The following KCNN1 variants were observed in gnomAD, a reference collection of about 807,000 sequenced individuals.
The protein encoded by KCNN1 is small conductance calcium-activated potassium channel protein 1.
A neutral mutation model predicts 44.7 loss-of-function variants in KCNN1; 20 were observed. The observed-to-expected ratio is 0.45, with a 90% CI of 0.32 to 0.65. The LOEUF is 0.65. Ranked by LOEUF, KCNN1 falls within the 30% of genes least tolerant of loss-of-function variation. KCNN1 has a pLI of 0.05. For missense variants in KCNN1, 632 were observed against 785.3 expected, an observed-to-expected ratio of 0.80 and a Z score of 2.33; for synonymous variants, 324 against 341.7, an observed-to-expected ratio of 0.95 and a Z score of 0.57.
chr19:17,967,087 C>G, upstream of KCNN1: 7 of 980,132 alleles, frequency 7.1e-6, no homozygotes, highest in Non-Finnish European at 8.5e-6. Context: ...CGCACCGCCC[C>G]CTTCTCTCCC....
At position 17,975,125 on chromosome 19, in the gene KCNN1, A is replaced by T; in HGVS notation, c.436A>T (p.Ile146Phe). Residue 146 changes from isoleucine to phenylalanine, a missense_variant, in exon 3 of 10, where the codon ATC (isoleucine) becomes TTC (phenylalanine). Ile to Phe is a conservative substitution (Grantham distance 21). Around this residue, in one of 3 missense-constraint regions of KCNN1, gnomAD observed 235 missense variants for 224.0 expected, o/e 1.05. Transcript: ENST00000684775. ...SLYSFALKCL[I>F]SLSTAILLGL... is the part of the protein sequence containing the mutation. ...GTACTCATTCGCACTCAAATGCCTC[A>T]TCAGCCTCTCCACGGCCATCCTGCT... is the stretch of plus-strand genomic sequence containing the variant. 6.2e-7 allele frequency: 1 copy of T among 1,613,652 alleles called. No individual in the cohort carries two copies. The highest frequency in any genetic ancestry group is 8.5e-7 in the Non-Finnish European group (1 of 1,179,776).
Position 17,983,812 on chromosome 19 carries a change from T to C in KCNN1, c.918-1500T>C, listed in dbSNP as rs1289157778. Among the ~76,000 whole-genome samples, 3 of 150,736 alleles carry C rather than the reference T, an allele frequency of 2.0e-5. No individual in the cohort carries two copies. The highest frequency in any genetic ancestry group is 7.3e-5 in the African/African-American group (3 of 41,046). On this transcript the variant is annotated intron_variant, in intron 4 of 9. Coordinates refer to ENST00000684775, the MANE Select transcript of KCNN1 (RefSeq NM_001386974.1). The surrounding 1 kb of genome is among the most constrained non-coding windows in gnomAD (Gnocchi z 4.5). Reference sequence around the variant, plus strand: ...CGACTAGAGGGCACCCCCCCGCCCCTCCTGCCCTCTGGGGGTCAGGCAGCT... The same window carrying C: ...CGACTAGAGGGCACCCCCCCGCCCCCCCTGCCCTCTGGGGGTCAGGCAGCT...
chr19:17,995,742 C>T (rs745330523), intron 9 of KCNN1, among the ~76,000 whole-genome samples: 5 of 151,192 alleles, frequency 3.3e-5, no homozygotes, highest in African/African-American at 7.3e-5. Flanking sequence ...TATGCCGCCA[C>T]GCCTAGCTAC....
In KCNN1 at chr19:17,993,119, A is replaced by G. The variant is rs1278511421; in HGVS notation, c.1307+57A>G. On this transcript the variant is annotated intron_variant, in intron 8 of 9. Coordinates refer to ENST00000684775, the MANE Select transcript of KCNN1 (RefSeq NM_001386974.1). The surrounding 1 kb of genome is among the most constrained non-coding windows in gnomAD (Gnocchi z 4.5). ...GGGAAATCGGGGGTGCATGGTGGTC[A>G]CAGACAGGGGGTACACCCGGGGCAT... 2.6e-5 allele frequency: 42 copies of G among 1,607,264 alleles called. No homozygotes were observed. The highest frequency in any genetic ancestry group is 3.1e-5 in the Non-Finnish European group (37 of 1,174,730).
chr19:17,997,735 C>T (rs1252368158), intron 9 of KCNN1, among the ~76,000 whole-genome samples: 4 of 152,110 alleles, frequency 2.6e-5, no homozygotes, highest in South Asian at 2.1e-4. Flanking sequence ...CTGCCTCGGC[C>T]TCCCAAAGTG....
intron 3 of KCNN1, among the ~76,000 whole-genome samples, chr19:17,978,791 AC>A (rs540064608): frequency 4.4e-4 from 66 of 150,310 alleles, no homozygotes; most frequent in Middle Eastern, 3.4e-3. Context: ...ACAGTGACTC[AC>A]GCCTGTAATC....
Position 17,974,042 on chromosome 19 carries a change from G to T in KCNN1, c.154G>T (p.Ala52Ser). ...GGTGGTAGTGGCCAAGAGTGAGCCAGCCCGGCCCTCACCCGGCAGCCCCCG... is the reference window on the plus strand; with the variant it reads ...GGTGGTAGTGGCCAAGAGTGAGCCATCCCGGCCCTCACCCGGCAGCCCCCG... ...LQVVVAKSEP[A>S]RPSPGSPRGQ... The change falls in exon 2 of 10, where the codon GCC (alanine) becomes TCC (serine). Residue 52 changes from alanine to serine, a missense_variant. Ala to Ser is a moderately conservative substitution (Grantham distance 99). Around this residue, in one of 3 missense-constraint regions of KCNN1, gnomAD observed 235 missense variants for 224.0 expected, o/e 1.05. Transcript: ENST00000684775. The surrounding 1 kb of genome is among the most constrained non-coding windows in gnomAD (Gnocchi z 7.3). 1 of 1,609,284 alleles carries T rather than the reference G, an allele frequency of 6.2e-7. No individual in the cohort carries two copies.
chr19:17,992,930 A>C, intron 7 of KCNN1, 124 bp from the exon 8 acceptor site: 1 of 1,251,816 alleles, frequency 8.0e-7, no homozygotes, highest in Non-Finnish European at 1.1e-6. Flanking sequence ...GCCATCTGGG[A>C]ACCCCGCGCG....
At chr19:17,985,504 C>G (rs961627018) in intron 5 of KCNN1, 51 bp downstream of exon 5, 4 of 1,483,306 alleles carry the variant, frequency 2.7e-6, no homozygotes, top group Admixed American at 4.1e-5. Flanking sequence ...GCCAGCTGCC[C>G]GCTCCACCAG....
At chr19:17,989,156 T>A (rs1253880243) in intron 6 of KCNN1, among the ~76,000 whole-genome samples, 1 of 152,176 alleles carries the variant, frequency 6.6e-6, no homozygotes, top group Non-Finnish European at 1.5e-5. Flanking sequence ...GCCGATTCAC[T>A]GAGTTAACAT....
rs564347444 is a variant in KCNN1, at chr19:17,992,079, G to C, written c.1299-975G>C. On this transcript the variant is annotated intron_variant, in intron 7 of 9. Coordinates refer to ENST00000684775, the MANE Select transcript of KCNN1 (RefSeq NM_001386974.1). Reference sequence around the variant, plus strand: ...CTCACACTTGTAATCCCAGCACTTTGGGAGGCCGAGATGGGTGGATCATTT... The same window carrying C: ...CTCACACTTGTAATCCCAGCACTTTCGGAGGCCGAGATGGGTGGATCATTT... Among the ~76,000 whole-genome samples the C allele has an allele frequency of 2.0e-5, 3 of 152,302 alleles. No individual in the cohort carries two copies. In the South Asian group the frequency reaches 6.2e-4, roughly 32 times the overall value.
intron 1 of KCNN1, among the ~76,000 whole-genome samples, chr19:17,969,673 T>G (rs749140352): frequency 2.0e-5 from 3 of 152,210 alleles, no homozygotes; most frequent in Non-Finnish European, 4.4e-5. Flanking sequence ...AAATTGCATC[T>G]TCATTGGTGC....
Position 17,993,570 on chromosome 19 carries a change from T to C in KCNN1, c.1377+11T>C. The C allele has an allele frequency of 6.2e-7, 1 of 1,607,136 alleles. No homozygotes were observed. The highest frequency in any genetic ancestry group is 8.5e-7 in the Non-Finnish European group (1 of 1,174,040). Reference sequence around the variant, plus strand: ...ACCGACCTAGCCAAGGTGAGTGGGTTGGGGCAGGGTGGGCCAGACAGGGCA... The same window carrying C: ...ACCGACCTAGCCAAGGTGAGTGGGTCGGGGCAGGGTGGGCCAGACAGGGCA... On this transcript the variant is annotated intron_variant, in intron 9 of 9. Coordinates refer to ENST00000684775, the MANE Select transcript of KCNN1 (RefSeq NM_001386974.1). The surrounding 1 kb of genome is among the most constrained non-coding windows in gnomAD (Gnocchi z 4.5).
intron 2 of KCNN1, among the ~76,000 whole-genome samples, chr19:17,955,680 G>A (rs1277545745): frequency 1.3e-5 from 2 of 151,582 alleles, no homozygotes; most frequent in African/African-American, 4.9e-5. Context: ...GGGAGTTACT[G>A]TCCACTTTCT....
intron 3 of KCNN1, among the ~76,000 whole-genome samples, chr19:17,979,373 C>T (rs761120077): frequency 7.4e-6 from 1 of 135,112 alleles, no homozygotes; most frequent in Non-Finnish European, 1.5e-5. Flanking sequence ...TAGGAGCTTG[C>T]AGTGAGCCGA....
At chr19:17,956,228 G>A (rs1568443716) in intron 2 of KCNN1, among the ~76,000 whole-genome samples, 1 of 152,126 alleles carries the variant, frequency 6.6e-6, no homozygotes, top group East Asian at 1.9e-4. Context: ...GTGAGCCACT[G>A]AGCCAGGCCT....
chr19:17,951,645 C>T (rs1363692187), intron 1 of KCNN1, among the ~76,000 whole-genome samples: 4 of 152,162 alleles, frequency 2.6e-5, no homozygotes, highest in Non-Finnish European at 5.9e-5. Flanking sequence ...AGGGTGTCAC[C>T]AGCCCAACAA....
Position 18,000,019 on chromosome 19 carries a change from T to C in KCNN1, c.*1613T>C, listed in dbSNP as rs781079802. 3 of 455,856 alleles carry C rather than the reference T, an allele frequency of 6.6e-6. No homozygotes were observed. The highest frequency in any genetic ancestry group is 8.8e-6 in the Non-Finnish European group (2 of 226,738). The allele number at this position is 455,856 out of a possible 1,614,324, so 28.2% of individuals were successfully genotyped here. A position where few individuals can be genotyped will look rare whatever the true frequency, so the allele number is the denominator to read the frequency against. Reference sequence around the variant, plus strand: ...GACAGTCTATTTAACCAGAACTCCCTAAAAAGGGCCAGGCAACTGGTAGGT... The same window carrying C: ...GACAGTCTATTTAACCAGAACTCCCCAAAAAGGGCCAGGCAACTGGTAGGT... On this transcript the variant is annotated 3_prime_UTR_variant, in exon 10 of 10. Transcript: ENST00000684775.
chr19:17,973,951 G>T lies in KCNN1; in HGVS notation c.63G>T (p.Leu21=). The T allele has an allele frequency of 6.4e-7, 1 of 1,560,438 alleles. No individual in the cohort carries two copies. The part of the protein sequence containing the change: ...GRPLGSGPGA[L]GRDPPDPEAG... ...CGCTGGGCAGCGGGCCGGGCGCCCTGGGACGAGACCCTCCGGACCCTGAGG... is the reference window on the plus strand; with the variant it reads ...CGCTGGGCAGCGGGCCGGGCGCCCTTGGACGAGACCCTCCGGACCCTGAGG... The change falls in exon 2 of 10, where the codon CTG becomes CTT. Residue 21 remains leucine, a synonymous_variant. Coordinates refer to ENST00000684775, the MANE Select transcript of KCNN1 (RefSeq NM_001386974.1).
Sources: allele counts gnomAD v4.1 joint callset (sites outside exome capture counted in the v4.1 genomes callset), GRCh38; gene constraint gnomAD v4.1.1; regional missense constraint gnomAD v4.1.1; non-coding constraint Gnocchi (gnomAD v3.1); transcripts MANE v1.5; gene names NCBI Gene and HGNC (gene_info 2026-07-23, HGNC 2026-07-21).